Variants in KLF13 observed in about 807,000 individuals in gnomAD.
KLF13 encodes KLF transcription factor 13.
A neutral mutation model predicts 16.7 loss-of-function variants in KLF13; 8 were observed. The observed-to-expected ratio is 0.48, with a 90% confidence interval of 0.28 to 0.87. KLF13 has a LOEUF of 0.87. Ranked by LOEUF, KLF13 falls within the 40% of genes least tolerant of loss-of-function variation. KLF13 has a pLI of 0.10. For synonymous variants in KLF13, 245 were observed against 208.4 expected (o/e 1.18, Z -1.51); for missense variants, 447 against 452.2 (o/e 0.99, Z 0.10).
chr15:31,425,675 G>GAGAGC (rs766671053), intron 1 of KLF13, among the ~76,000 whole-genome samples: 2 of 152,120 alleles, frequency 1.3e-5, no homozygotes, highest in Non-Finnish European at 2.9e-5. Flanking sequence ...TCAGAAGTTT[G>GAGAGC]AGAGCAGCCT....
At chr15:31,343,202 C>T (rs911184618) in intron 1 of KLF13, among the ~76,000 whole-genome samples, 15 of 152,232 alleles carry the variant, frequency 9.9e-5, no homozygotes, top group African/African-American at 3.6e-4. Context: ...GACTGTCTTG[C>T]ACCCTTGCAC....
intron 1 of KLF13, among the ~76,000 whole-genome samples, chr15:31,432,113 C>A (rs1455228363): frequency 1.3e-5 from 2 of 151,622 alleles, no homozygotes; most frequent in Non-Finnish European, 2.9e-5. Flanking sequence ...AGGAGGAAGA[C>A]TAGAGAGAAA....
Position 31,327,516 on chromosome 15 carries a change from G to A in KLF13, c.304G>A (p.Ala102Thr), listed in dbSNP as rs1176397447. The part of the protein sequence containing the change: ...ARTPCRLPPP[A>T]PEPTSPGAEG... ...GACCCCCTGCCGCCTGCCGCCGCCC[G>A]CCCCCGAGCCCACCTCCCCCGGCGC... Residue 102 changes from alanine to threonine, a missense_variant, in exon 1 of 2, where the codon GCC becomes ACC. Coordinates refer to ENST00000307145, the MANE Select transcript of KLF13 (RefSeq NM_015995.4). The A allele has an allele frequency of 3.6e-6, 4 of 1,125,350 alleles. No individual in the cohort carries two copies. The highest frequency in any genetic ancestry group is 4.3e-6 in the Non-Finnish European group (4 of 920,864). 69.7% of individuals were successfully genotyped at this position (1,125,350 alleles called of 1,614,324 possible).
Position 31,327,124 on chromosome 15 carries a change from G to T in KLF13, c.-89G>T. On this transcript the variant is annotated 5_prime_UTR_variant, in exon 1 of 2. Transcript: ENST00000307145. ...CGAGGAGAGGGCGCGCCGCGCCCCC[G>T]CCCCCCGCCCGCTCTCCCGAGGCCG... is the stretch of plus-strand genomic sequence containing the variant. The T allele has an allele frequency of 3.2e-6, 1 of 309,812 alleles. No homozygotes were observed. Among genetic ancestry groups the T allele is most frequent in the East Asian group, 1.7e-4 (1 of 5,976 alleles). 19.2% of individuals were successfully genotyped at this position (309,812 alleles called of 1,614,324 possible). A position where few individuals can be genotyped will look rare whatever the true frequency, so the allele number is the denominator to read the frequency against.
At chr15:31,427,416 C>T (rs1053852017) in intron 1 of KLF13, among the ~76,000 whole-genome samples, 1 of 152,032 alleles carries the variant, frequency 6.6e-6, no homozygotes, top group African/African-American at 2.4e-5. Flanking sequence ...GGCGATTCCT[C>T]GAGAAATTAA....
chr15:31,405,328 A>G (rs7174902), downstream of KLF13, among the ~76,000 whole-genome samples: 106,553 of 151,796 alleles, frequency 0.7, 38,315 homozygotes, highest in African/African-American at 0.87. Context: ...AAACAGAAGG[A>G]AAAAAAAAGA....
intron 1 of KLF13, among the ~76,000 whole-genome samples, chr15:31,337,478 A>C (rs548868464): frequency 5.8e-4 from 88 of 151,808 alleles, no homozygotes; most frequent in Non-Finnish European, 1.1e-3. Flanking sequence ...TTCTAAAATT[A>C]CAGTCATAGG....
At chr15:31,425,524 G>A (rs2040390185) in intron 1 of KLF13, among the ~76,000 whole-genome samples, 1 of 152,192 alleles carries the variant, frequency 6.6e-6, no homozygotes, top group Non-Finnish European at 1.5e-5. Context: ...ACCAAAGCCT[G>A]CTTTCTGGAA....
At chr15:31,342,166 G>A (rs1253883795) in intron 1 of KLF13, among the ~76,000 whole-genome samples, 1 of 152,188 alleles carries the variant, frequency 6.6e-6, no homozygotes, top group Non-Finnish European at 1.5e-5. Flanking sequence ...CCTCTCTGAG[G>A]TGGGCTTGAA....
chr15:31,329,163 C>A (rs762178371), intron 1 of KLF13, among the ~76,000 whole-genome samples: 26 of 149,752 alleles, frequency 1.7e-4, no homozygotes, highest in Non-Finnish European at 3.7e-4. Context: ...AGAGCGGGGC[C>A]ATTTCTAGGC....
chr15:31,406,271 G>C (rs376929256), downstream of KLF13, among the ~76,000 whole-genome samples: 35 of 152,292 alleles, frequency 2.3e-4, no homozygotes, highest in East Asian at 1.2e-3. Flanking sequence ...GAGGTCAGGA[G>C]TTTGAGACCA....
At chr15:31,351,946 A>G (rs976607604) in intron 1 of KLF13, among the ~76,000 whole-genome samples, 4 of 151,810 alleles carry the variant, frequency 2.6e-5, no homozygotes, top group African/African-American at 9.7e-5. Flanking sequence ...CAGGAGGTGG[A>G]GGTTGCAGTG....
intron 1 of KLF13, among the ~76,000 whole-genome samples, chr15:31,338,096 C>G (rs571094648): frequency 1.3e-5 from 2 of 152,286 alleles, no homozygotes; most frequent in East Asian, 3.9e-4. Context: ...TGAAGTTTCC[C>G]TAATGATGGG....
intron 1 of KLF13, among the ~76,000 whole-genome samples, chr15:31,350,705 C>T (rs973394074): frequency 6.6e-6 from 1 of 152,214 alleles, no homozygotes; most frequent in Non-Finnish European, 1.5e-5. Context: ...TTTGGCTCAG[C>T]TTTCAGACCT....
At chr15:31,387,462 C>T (rs1314752603) in intron 1 of KLF13, among the ~76,000 whole-genome samples, 1 of 151,416 alleles carries the variant, frequency 6.6e-6, no homozygotes, top group East Asian at 2.0e-4. Context: ...AGACAGAATG[C>T]TATTGCACAC....
intron 1 of KLF13, among the ~76,000 whole-genome samples, chr15:31,413,323 G>A (rs2040219198): frequency 6.6e-6 from 1 of 151,820 alleles, no homozygotes; most frequent in African/African-American, 2.4e-5. Context: ...AAGAAATAAT[G>A]GCAGAAAACT....
exon 2 of KLF13, chr15:31,435,652 GA>G (rs1566854649): frequency 1.3e-5 from 2 of 152,192 alleles, no homozygotes; most frequent in African/African-American, 4.8e-5. Context: ...CAGAATAAAA[GA>G]GAGTTGCTCA....
chr15:31,409,718 A>G (rs1257127256), downstream of KLF13, among the ~76,000 whole-genome samples: 1 of 152,226 alleles, frequency 6.6e-6, no homozygotes, highest in Non-Finnish European at 1.5e-5. Flanking sequence ...GCCAGATTAC[A>G]ATAAAGTGAC....
intron 1 of KLF13, among the ~76,000 whole-genome samples, chr15:31,351,600 G>T (rs1046852774): frequency 2.0e-5 from 3 of 152,198 alleles, no homozygotes; most frequent in Admixed American, 2.0e-4. Flanking sequence ...TGCATTTTCA[G>T]GGCAGGTTGC....
Sources: allele counts gnomAD v4.1 joint callset (sites outside exome capture counted in the v4.1 genomes callset), GRCh38; gene constraint gnomAD v4.1.1; transcripts MANE v1.5; gene names NCBI Gene and HGNC (gene_info 2026-07-23, HGNC 2026-07-21).